The following DSCAM variants were observed in gnomAD, a reference collection of about 807,000 sequenced individuals.
The protein encoded by DSCAM is DS cell adhesion molecule, also known as cell adhesion molecule DSCAM.
In DSCAM, 47 loss-of-function variants were observed where a neutral mutation model predicts 217.7. The observed-to-expected ratio is 0.22, with a 90% confidence interval of 0.17 to 0.28. The LOEUF is 0.28. Among genes scored for constraint, DSCAM ranks in the 10% least tolerant of loss-of-function variants. The pLI is 1.00. For synonymous variants in DSCAM, 1,056 were observed against 1,015.3 expected, an observed-to-expected ratio of 1.04 and a Z score of -0.76; for missense variants, 2,080 against 2,618.3, an observed-to-expected ratio of 0.79 and a Z score of 4.49.
rs550368134 is a variant in DSCAM at position 40,543,747 on chromosome 21, C to A, written c.508+149063G>T. On this transcript the variant is annotated intron_variant, in intron 3 of 32. Transcript: ENST00000400454. ...TCTCATGAGTCTCTGGTCACCTAGCCGCCAAGCATTACTTTAGTAATTTTA... is the reference window on the plus strand; with the variant it reads ...TCTCATGAGTCTCTGGTCACCTAGCAGCCAAGCATTACTTTAGTAATTTTA... Among the ~76,000 whole-genome samples the A allele has an allele frequency of 7.9e-5, 12 of 152,098 alleles. No individual in the cohort carries two copies. The East Asian group carries it at 1.2e-3, about 15-fold the overall frequency.
At chr21:40,623,504 T>C (rs1416934532) in intron 3 of DSCAM, among the ~76,000 whole-genome samples, 3 of 152,204 alleles carry the variant, frequency 2.0e-5, no homozygotes, top group Non-Finnish European at 4.4e-5. Context: ...ATGCTACTGA[T>C]CTAACACTCA....
Position 40,846,779 on chromosome 21 carries a change from C to CCCGCCGCCGCCGCCGCCGCCG in DSCAM, c.-119_-118insCGGCGGCGGCGGCGGCGGCGG, listed in dbSNP as rs41386156. On this transcript the variant is annotated 5_prime_UTR_variant, in exon 1 of 33. Transcript: ENST00000400454. ...CCCGGGGGCCGCCGCCCGCCCGCCGCCCGCCGCCGCCGCCGCCGCTGCCTA... is the reference window on the plus strand; with the variant it reads ...CCCGGGGGCCGCCGCCCGCCCGCCGCCCGCCGCCGCCGCCGCCGCCGCCGCCGCCGCCGCCGCCGCTGCCTA... 2 of 307,458 alleles carry CCCGCCGCCGCCGCCGCCGCCG rather than the reference C, an allele frequency of 6.5e-6. No homozygotes were observed. Among genetic ancestry groups the CCCGCCGCCGCCGCCGCCGCCG allele is most frequent in the African/African-American group, 4.6e-5 (2 of 43,616 alleles). 19.0% of individuals were successfully genotyped at this position (307,458 alleles called of 1,614,324 possible).
In DSCAM at chr21:40,329,396, A is replaced by C. The variant is rs544226256; in HGVS notation, c.1783+8705T>G. ...TTTGGGAGGCCGAGGCAGGCAGATC[A>C]CGAGGTCAAGAGATTGAGACCATCC... On this transcript the variant is annotated intron_variant, in intron 8 of 32. Coordinates refer to ENST00000400454, the MANE Select transcript of DSCAM (RefSeq NM_001389.5). 1.6e-3 allele frequency among the ~76,000 whole-genome samples: 238 copies of C among 152,234 alleles called. 3 individuals carry two copies. Among genetic ancestry groups the C allele is most frequent in the African/African-American group, 5.4e-3 (223 of 41,532 alleles).
intron 32 of DSCAM, among the ~76,000 whole-genome samples, chr21:40,025,818 A>T (rs1325342531): frequency 6.6e-6 from 1 of 150,554 alleles, no homozygotes; most frequent in African/African-American, 2.5e-5. Flanking sequence ...CTTTCAAAAA[A>T]CCAGCTCCTG....
At chr21:40,250,539 C>T (rs1448071860) in intron 11 of DSCAM, among the ~76,000 whole-genome samples, 1 of 152,164 alleles carries the variant, frequency 6.6e-6, no homozygotes, top group Non-Finnish European at 1.5e-5. Context: ...CAAAATGTGG[C>T]CATTTTACAT....
intron 1 of DSCAM, among the ~76,000 whole-genome samples, chr21:40,742,312 A>T (rs754110600): frequency 1.3e-5 from 2 of 152,196 alleles, no homozygotes; most frequent in Non-Finnish European, 2.9e-5. Context: ...GCTCATAGAC[A>T]TGCAACTAAT....
intron 1 of DSCAM, among the ~76,000 whole-genome samples, chr21:40,792,152 T>C (rs918645890): frequency 1.4e-5 from 2 of 148,144 alleles, no homozygotes; most frequent in Admixed American, 1.3e-4. Context: ...TTTTTTTTTT[T>C]TTTTTTGAGA....
At chr21:40,219,747 CTA>C (rs570201919) in intron 11 of DSCAM, among the ~76,000 whole-genome samples, 170 of 152,214 alleles carry the variant, frequency 1.1e-3, no homozygotes, top group African/African-American at 3.9e-3. Context: ...TTTTGTTTCT[CTA>C]TATGTTTATT....
intron 1 of DSCAM, among the ~76,000 whole-genome samples, chr21:40,712,918 A>T (rs2090798423): frequency 6.6e-6 from 1 of 152,180 alleles, no homozygotes; most frequent in South Asian, 2.1e-4. Context: ...TCCACTATGA[A>T]CAGGAAAGCC....
intron 3 of DSCAM, among the ~76,000 whole-genome samples, chr21:40,506,959 GAAA>G (rs1160623671): frequency 6.6e-6 from 1 of 152,080 alleles, no homozygotes; most frequent in Non-Finnish European, 1.5e-5. Context: ...ACTTTGATTG[GAAA>G]AAAACTTTCT....
chr21:40,387,607 C>G (rs2075098416), intron 3 of DSCAM, among the ~76,000 whole-genome samples: 1 of 152,192 alleles, frequency 6.6e-6, no homozygotes, highest in Admixed American at 6.5e-5. Flanking sequence ...GAAATGTTTA[C>G]AGATGAAGCT....
intron 11 of DSCAM, among the ~76,000 whole-genome samples, chr21:40,194,493 G>T (rs552346838): frequency 1.3e-5 from 2 of 152,136 alleles, no homozygotes; most frequent in African/African-American, 2.4e-5. Flanking sequence ...GAGAGGCTGT[G>T]GGCAAACCCT....
rs76745259 is a variant in DSCAM, at chr21:40,373,524, T to A, written c.509-4279A>T. Among the ~76,000 whole-genome samples the A allele has an allele frequency of 4.3e-3, 651 of 152,274 alleles. 4 individuals are homozygous for A. Among genetic ancestry groups the A allele is most frequent in the Non-Finnish European group, 5.2e-3 (354 of 68,014 alleles). ...AATCAAGGAAGTGGCATTGTCCTTG[T>A]CTCCCTGGGATGAAGGGGCTACTGA... On this transcript the variant is annotated intron_variant, in intron 3 of 32. Transcript: ENST00000400454.
intron 1 of DSCAM, among the ~76,000 whole-genome samples, chr21:40,730,199 T>C (rs2090998969): frequency 1.3e-5 from 2 of 152,228 alleles, no homozygotes; most frequent in Non-Finnish European, 2.9e-5. Flanking sequence ...GAGTCCATTA[T>C]TCCACATTGG....
intron 1 of DSCAM, among the ~76,000 whole-genome samples, chr21:40,755,218 T>G (rs1290476159): frequency 1.3e-5 from 2 of 151,840 alleles, no homozygotes; most frequent in Admixed American, 6.6e-5. Flanking sequence ...GAGGCAGAGG[T>G]GGGCGGATCA....
chr21:40,125,152 A>G (rs1485149100), intron 19 of DSCAM, among the ~76,000 whole-genome samples: 1 of 152,186 alleles, frequency 6.6e-6, no homozygotes, highest in Non-Finnish European at 1.5e-5. Context: ...TGGGTCAAAG[A>G]TTCACAGTAT....
At chr21:40,712,060 T>C (rs916163408) in intron 1 of DSCAM, among the ~76,000 whole-genome samples, 1 of 152,182 alleles carries the variant, frequency 6.6e-6, no homozygotes. Context: ...CAATAGAGCA[T>C]GAGCAATAAA....
At chr21:40,428,353 C>T (rs906746314) in intron 3 of DSCAM, among the ~76,000 whole-genome samples, 6 of 151,598 alleles carry the variant, frequency 4.0e-5, no homozygotes, top group African/African-American at 7.3e-5. Context: ...TCACTGCAAC[C>T]TCTGCCTCCC....
chr21:40,693,982 A>T (rs891112622), intron 2 of DSCAM, among the ~76,000 whole-genome samples: 1 of 152,110 alleles, frequency 6.6e-6, no homozygotes, highest in African/African-American at 2.4e-5. Context: ...CATGGGGATG[A>T]TGTTGGTAGC....
Sources: gnomAD v4.1 joint callset for allele counts (sites outside exome capture counted in the v4.1 genomes callset) on GRCh38, gnomAD v4.1.1 for gene constraint, MANE v1.5 for transcripts, NCBI Gene and HGNC (gene_info 2026-07-23, HGNC 2026-07-21) for gene names.